Variants in MASP1 observed in about 807,000 individuals in gnomAD.
MASP1 encodes mannan-binding lectin serine protease 1.
In MASP1, 59 loss-of-function variants were observed where a neutral mutation model predicts 77.1. That is an observed-to-expected ratio of 0.77 (90% CI 0.62 to 0.95). MASP1 has a LOEUF of 0.95. MASP1 is among the 40% of genes least tolerant of loss of function. The pLI is 0.00. For synonymous variants in MASP1, 362 were observed against 354.5 expected, an observed-to-expected ratio of 1.02 and a Z score of -0.24; for missense variants, 885 against 912.9, an observed-to-expected ratio of 0.97 and a Z score of 0.39.
chr3:187,282,665 G>C (rs986652302), intron 2 of MASP1, among the ~76,000 whole-genome samples: 3 of 152,132 alleles, frequency 2.0e-5, no homozygotes, highest in African/African-American at 7.2e-5. Flanking sequence ...GGGGCACAGG[G>C]TGGTTTCCAC....
In MASP1 at chr3:187,234,744, C is replaced by G; in HGVS notation, c.*940G>C. ...TCCATTTTCCTGCCCAAAAGCACAGCAGGACACAGTGTGGGTCTTTTCTTT... is the reference window on the plus strand; with the variant it reads ...TCCATTTTCCTGCCCAAAAGCACAGGAGGACACAGTGTGGGTCTTTTCTTT... On this transcript the variant is annotated 3_prime_UTR_variant, in exon 11 of 11. Coordinates refer to ENST00000296280, the MANE Select transcript of MASP1 (RefSeq NM_139125.4). 7.8e-7 allele frequency: 1 copy of G among 1,287,284 alleles called. No homozygotes were observed. Among genetic ancestry groups the G allele is most frequent in the Non-Finnish European group, 1.0e-6 (1 of 988,710 alleles). 79.7% of individuals were successfully genotyped at this position (1,287,284 alleles called of 1,614,324 possible).
Position 187,235,409 on chromosome 3 carries a change from C to G in MASP1, c.*275G>C. On this transcript the variant is annotated 3_prime_UTR_variant, in exon 11 of 11. Transcript: ENST00000296280. ...AGGAGTGCTGGGATTGGCACAGAGG[C>G]CTTGGTTGAGCTCCTGCATTGTATT... is the stretch of plus-strand genomic sequence containing the variant. The G allele has an allele frequency of 6.8e-7, 1 of 1,476,268 alleles. No homozygotes were observed. The highest frequency in any genetic ancestry group is 9.0e-7 in the Non-Finnish European group (1 of 1,110,454). The allele number at this position is 1,476,268 out of a possible 1,614,324, so 91.4% of individuals were successfully genotyped here. A position where few individuals can be genotyped will look rare whatever the true frequency, so the allele number is the denominator to read the frequency against.
chr3:187,291,489 C>G, intron 1 of MASP1, 139 bp downstream of exon 1: 1 of 1,189,722 alleles, frequency 8.4e-7, no homozygotes, highest in Non-Finnish European at 1.2e-6. Context: ...TCTCAGAGCC[C>G]TAAGAATTGA....
chr3:187,218,165 T>C (rs956375226), exon 16 of MASP1: 1 of 152,270 alleles, frequency 6.6e-6, no homozygotes, highest in Non-Finnish European at 1.5e-5. Context: ...GTCTTTCTTT[T>C]ACCTCCATGA....
chr3:187,264,041 G>C (rs55653215), intron 2 of MASP1, among the ~76,000 whole-genome samples: 1 of 152,194 alleles, frequency 6.6e-6, no homozygotes, highest in South Asian at 2.1e-4. Flanking sequence ...TTAGAGAAAA[G>C]TTCTCAAAGG....
chr3:187,270,255 T>C (rs1560027497), intron 2 of MASP1, among the ~76,000 whole-genome samples: 1 of 152,130 alleles, frequency 6.6e-6, no homozygotes, highest in Non-Finnish European at 1.5e-5. Flanking sequence ...TTCTGAAACG[T>C]CTCCTCAACT....
In MASP1 at chr3:187,256,652, T is replaced by C. The variant is rs1377177664; in HGVS notation, c.744+12A>G. On this transcript the variant is annotated intron_variant, in intron 5 of 10. Transcript: ENST00000296280. ...CCAGCATCTCCAGGACAAGTGTTCA[T>C]TGCAGGCTCACCTTGATGTAGTCAT... The C allele has an allele frequency of 6.2e-7, 1 of 1,613,608 alleles. No individual in the cohort carries two copies. The highest frequency in any genetic ancestry group is 2.2e-5 in the East Asian group (1 of 44,860).
chr3:187,270,759 C>T (rs568417373), intron 2 of MASP1, among the ~76,000 whole-genome samples: 10 of 152,336 alleles, frequency 6.6e-5, no homozygotes, highest in South Asian at 2.1e-4. Context: ...TAGGGCTCAG[C>T]GGCCACATAG....
Position 187,260,883 on chromosome 3 carries a change from G to A in MASP1, c.416-11C>T, listed in dbSNP as rs1715518977. The stretch of plus-strand genomic sequence containing the variant: ...TGCACTCGTCCACATCTGTAGGGCA[G>A]GTAAAGCCTCTCCATCAATACATGC... On this transcript the variant is annotated splice_polypyrimidine_tract_variant and intron_variant, in intron 3 of 10. Transcript: ENST00000296280. The A allele has an allele frequency of 1.9e-6, 3 of 1,613,888 alleles. No homozygotes were observed. The highest frequency in any genetic ancestry group is 2.2e-5 in the East Asian group (1 of 44,890).
intron 5 of MASP1, 93 bp from the exon 6 acceptor site, chr3:187,253,408 G>A (rs1443844029): frequency 2.3e-6 from 3 of 1,330,242 alleles, no homozygotes; most frequent in Non-Finnish European, 3.2e-6. Context: ...CTGCACTCTG[G>A]GTTTTCTGGA....
At position 187,236,125 on chromosome 3, in the gene MASP1, C is replaced by T. The variant is rs3821805; in HGVS notation, c.1746G>A (p.Pro582=). ...CCACCAGGCCCAGCATGTGGGGGGC[C>T]GGGCCTTCAGGCTCAAGCCTTGGCA... ...VCLPRLEPEG[P]APHMLGLVAG... The change falls in exon 11 of 11, where the codon CCG becomes CCA. Residue 582 remains proline, a synonymous_variant. Coordinates refer to ENST00000296280, the MANE Select transcript of MASP1 (RefSeq NM_139125.4). 7.1e-3 allele frequency: 11,497 copies of T among 1,613,866 alleles called. 66 individuals are homozygous for T. The highest frequency in any genetic ancestry group is 0.02 in the South Asian group (1,840 of 91,080).
At chr3:187,250,910 C>T (rs1259670329) in intron 7 of MASP1, among the ~76,000 whole-genome samples, 3 of 152,140 alleles carry the variant, frequency 2.0e-5, no homozygotes, top group African/African-American at 7.2e-5. Flanking sequence ...CCATGTGATT[C>T]CTAGAACTAC....
At chr3:187,273,579 C>T (rs978395986) in intron 2 of MASP1, among the ~76,000 whole-genome samples, 1 of 152,172 alleles carries the variant, frequency 6.6e-6, no homozygotes, top group Non-Finnish European at 1.5e-5. Context: ...GCTCGGTACT[C>T]CTGAGCTCAC....
chr3:187,231,798 T>C (rs1712783167), downstream of MASP1, among the ~76,000 whole-genome samples: 1 of 152,192 alleles, frequency 6.6e-6, no homozygotes, highest in Non-Finnish European at 1.5e-5. Context: ...TCAGGCTTCA[T>C]AGTAAGAATA....
At chr3:187,242,286 C>A (rs372321399) in intron 9 of MASP1, 2 of 152,168 alleles carry the variant, frequency 1.3e-5, no homozygotes, top group African/African-American at 4.8e-5. Context: ...CCGAGGCGGG[C>A]GGATCACTTG....
chr3:187,229,785 C>G (rs1398567394), downstream of MASP1: 1 of 1,614,110 alleles, frequency 6.2e-7, no homozygotes, highest in African/African-American at 1.3e-5. Context: ...CGCAGAAGGG[C>G]TGCCCATTCA....
rs185569720 is a variant in MASP1 at position 187,249,285 on chromosome 3, G to A, written c.1090+966C>T. Among the ~76,000 whole-genome samples the A allele has an allele frequency of 2.5e-3, 378 of 152,044 alleles. 1 individual carries two copies. Among genetic ancestry groups the A allele is most frequent in the Admixed American group, 4.1e-3 (63 of 15,260 alleles). ...GTTGGCCAGGCTGGTCTCGGACTCC[G>A]GAACTCAAGTGATCCACCTGCTTCT... On this transcript the variant is annotated intron_variant, in intron 8 of 10. Transcript: ENST00000296280.
Position 187,234,604 on chromosome 3 carries a change from G to T in MASP1, c.*1080C>A. On this transcript the variant is annotated 3_prime_UTR_variant, in exon 11 of 11. Transcript: ENST00000296280. ...TCCTTTGACTCTGAAAAATGAAGGA[G>T]TGGGTCCCTCTGAACATCCTGCGGG... 1 of 1,287,210 alleles carries T rather than the reference G, an allele frequency of 7.8e-7. No homozygotes were observed. Among genetic ancestry groups the T allele is most frequent in the Non-Finnish European group, 1.0e-6 (1 of 988,672 alleles). 79.7% of individuals were successfully genotyped at this position (1,287,210 alleles called of 1,614,324 possible). A position where few individuals can be genotyped will look rare whatever the true frequency, so the allele number is the denominator to read the frequency against.
chr3:187,252,462 T>C (rs780880521), intron 6 of MASP1, among the ~76,000 whole-genome samples: 105 of 152,182 alleles, frequency 6.9e-4, no homozygotes, highest in Non-Finnish European at 1.2e-3. Flanking sequence ...CCTGGGCCTA[T>C]CCCTGACACT....
Sources: gnomAD v4.1 joint callset for allele counts (sites outside exome capture counted in the v4.1 genomes callset) on GRCh38, gnomAD v4.1.1 for gene constraint, MANE v1.5 for transcripts, NCBI Gene and HGNC (gene_info 2026-07-23, HGNC 2026-07-21) for gene names.